LOC400499: variants seen among roughly 807,000 people sequenced by gnomAD.
chr16:11,436,959 C>T, the LOC400499 span, among the ~76,000 whole-genome samples: 1 of 151,982 alleles, frequency 6.6e-6, no homozygotes, highest in African/African-American at 2.4e-5. Flanking sequence ...CATGATACAC[C>T]CAGACAATGG....
At chr16:11,384,642 C>T in the LOC400499 span, among the ~76,000 whole-genome samples, 1 of 152,230 alleles carries the variant, frequency 6.6e-6, no homozygotes, top group African/African-American at 2.4e-5. Context: ...AGGGCCAACT[C>T]CACACTGGAG....
chr16:11,494,269 G>T, the LOC400499 span, among the ~76,000 whole-genome samples: 1 of 150,856 alleles, frequency 6.6e-6, no homozygotes, highest in Non-Finnish European at 1.5e-5. Flanking sequence ...TCCAGACCCC[G>T]CGGGCCAGCC....
the LOC400499 span, chr16:11,478,798 G>A: frequency 2.5e-6 from 1 of 397,836 alleles, no homozygotes; most frequent in Non-Finnish European, 4.4e-6. Context: ...ATTCCCACAT[G>A]CTGTGGGAAG....
the LOC400499 span, among the ~76,000 whole-genome samples, chr16:11,464,683 T>C: frequency 1.3e-5 from 2 of 152,262 alleles, no homozygotes; most frequent in African/African-American, 4.8e-5. Flanking sequence ...TCCTGTCTGC[T>C]GAAACAGGCT....
At chr16:11,477,749 C>G in the LOC400499 span, 2 of 397,672 alleles carry the variant, frequency 5.0e-6, no homozygotes, top group Admixed American at 4.4e-5. Context: ...GGATGTCACC[C>G]AGGCCTCTGC....
At chr16:11,479,650 A>T in the LOC400499 span, among the ~76,000 whole-genome samples, 1 of 152,128 alleles carries the variant, frequency 6.6e-6, no homozygotes, top group African/African-American at 2.4e-5. Flanking sequence ...AAAGAAAAAA[A>T]GAAAATTTGC....
the LOC400499 span, chr16:11,470,533 T>G: frequency 9.9e-5 from 15 of 152,278 alleles, no homozygotes; most frequent in Admixed American, 6.5e-4. Flanking sequence ...AAGGCTTCGG[T>G]CTCTTGTTGG....
chr16:11,380,045 G>T, the LOC400499 span, among the ~76,000 whole-genome samples: 1 of 152,116 alleles, frequency 6.6e-6, no homozygotes, highest in Non-Finnish European at 1.5e-5. Flanking sequence ...GTAACCTCAA[G>T]CCCCTGGACT....
the LOC400499 span, among the ~76,000 whole-genome samples, chr16:11,379,073 G>A: frequency 2.6e-5 from 4 of 152,154 alleles, no homozygotes; most frequent in Admixed American, 6.6e-5. Flanking sequence ...AGAGCAGCCT[G>A]GACAACATGG....
the LOC400499 span, among the ~76,000 whole-genome samples, chr16:11,451,916 C>A: frequency 2.0e-5 from 3 of 152,120 alleles, no homozygotes; most frequent in South Asian, 2.1e-4. Flanking sequence ...TCCCTTCCCA[C>A]GGGAAGCGGG....
chr16:11,488,387 C>G, the LOC400499 span, among the ~76,000 whole-genome samples: 1 of 152,092 alleles, frequency 6.6e-6, no homozygotes, highest in South Asian at 2.1e-4. Context: ...TATTTTTGAA[C>G]AAGCAGCATG....
At chr16:11,467,212 C>T in the LOC400499 span, 1 of 151,890 alleles carries the variant, frequency 6.6e-6, no homozygotes, top group Non-Finnish European at 1.5e-5. Flanking sequence ...CTTGGCCTCC[C>T]CAAGTGTTGG....
At chr16:11,399,408 C>T in the LOC400499 span, 1,078 of 500,156 alleles carry the variant, frequency 2.2e-3, 15 homozygotes, top group African/African-American at 0.02. Context: ...CAGAGCTGGA[C>T]GCTCCTGTGG....
chr16:11,416,444 T>C, the LOC400499 span, among the ~76,000 whole-genome samples: 2 of 152,122 alleles, frequency 1.3e-5, no homozygotes, highest in African/African-American at 2.4e-5. Context: ...TGAGCCTCCA[T>C]TCCTCATCTG....
At chr16:11,411,835 C>A in the LOC400499 span, among the ~76,000 whole-genome samples, 1 of 145,296 alleles carries the variant, frequency 6.9e-6, no homozygotes, top group Admixed American at 7.0e-5. Flanking sequence ...TGGTTACAAT[C>A]TCCACGTTTT....
At chr16:11,466,588 C>T in the LOC400499 span, among the ~76,000 whole-genome samples, 1 of 151,960 alleles carries the variant, frequency 6.6e-6, no homozygotes, top group African/African-American at 2.4e-5. Flanking sequence ...GGGGTTTTGC[C>T]ATGTTGTTCA....
chr16:11,506,608 T>A, the LOC400499 span, among the ~76,000 whole-genome samples: 4 of 152,076 alleles, frequency 2.6e-5, no homozygotes, highest in Non-Finnish European at 4.4e-5. Context: ...CCAACCCCAC[T>A]GCACCCTTGC....
the LOC400499 span, chr16:11,411,403 C>G: frequency 2.5e-6 from 1 of 399,002 alleles, no homozygotes. Flanking sequence ...CATGTCGAGA[C>G]CAAGGGGACT....
chr16:11,408,205 A>T, the LOC400499 span, among the ~76,000 whole-genome samples: 1 of 151,812 alleles, frequency 6.6e-6, no homozygotes, highest in East Asian at 1.9e-4. Context: ...CCAGTCTCGA[A>T]CTCCTGACCT....
Sources: allele counts gnomAD v4.1 joint callset (sites outside exome capture counted in the v4.1 genomes callset), GRCh38; gene constraint gnomAD v4.1.1; transcripts MANE v1.5.